Variants in C3orf62 observed in about 807,000 individuals in gnomAD.
C3orf62 encodes the protein chromosome 3 open reading frame 62, also known as uncharacterized protein C3orf62.
In C3orf62, 16 loss-of-function variants were observed where a neutral mutation model predicts 21.7. That is an observed-to-expected ratio of 0.74 (90% CI 0.50 to 1.12). The LOEUF (loss-of-function observed/expected upper bound fraction) is 1.12, where lower values mean the gene tolerates loss of function less well. Ranked by LOEUF, C3orf62 falls within the 50% of genes most tolerant of loss-of-function variation. The pLI is 0.00. For missense variants in C3orf62, 310 were observed against 318.8 expected (o/e 0.97, Z 0.21); for synonymous variants, 114 against 117.0 (o/e 0.97, Z 0.17).
rs1028499775 is a variant in C3orf62, at chr3:49,270,220, C to CTA, written c.*958_*959dup. 2.6e-4 allele frequency: 40 copies of CTA among 152,418 alleles called. No individual in the cohort carries two copies. Among genetic ancestry groups the CTA allele is most frequent in the African/African-American group, 9.1e-4 (38 of 41,584 alleles). 9.4% of individuals were successfully genotyped at this position (152,418 alleles called of 1,614,324 possible). ...TTCCACTCCTTCCCCACTTCTTATACTATACTTCACTTGGTCTTTAAAAAC... is the reference window on the plus strand; with the variant it reads ...TTCCACTCCTTCCCCACTTCTTATACTATATACTTCACTTGGTCTTTAAAAAC... On this transcript the variant is annotated 3_prime_UTR_variant, in exon 3 of 3. Transcript: ENST00000343010.
At chr3:49,274,815 C>T (rs143756010) in intron 1 of C3orf62, among the ~76,000 whole-genome samples, 3,809 of 148,800 alleles carry the variant, frequency 0.026, 67 homozygotes, top group Middle Eastern at 0.05. Flanking sequence ...AGTGAACCAC[C>T]GCGCCTGGCC....
At chr3:49,272,261 G>A (rs1353166345) in intron 2 of C3orf62, among the ~76,000 whole-genome samples, 3 of 152,046 alleles carry the variant, frequency 2.0e-5, no homozygotes, top group Admixed American at 6.6e-5. Flanking sequence ...CACTTTGGGA[G>A]GCTGAGGCAG....
intron 2 of C3orf62, among the ~76,000 whole-genome samples, chr3:49,272,709 G>A (rs1380918089): frequency 6.6e-6 from 1 of 151,548 alleles, no homozygotes; most frequent in Non-Finnish European, 1.5e-5. Flanking sequence ...GCACCACCAC[G>A]CCTGGCTAAT....
In C3orf62 at chr3:49,272,800, G is replaced by A. The variant is rs543653962; in HGVS notation, c.538+1249C>T. On this transcript the variant is annotated intron_variant, in intron 2 of 2. Coordinates refer to ENST00000343010, the MANE Select transcript of C3orf62 (RefSeq NM_198562.3). The stretch of plus-strand genomic sequence containing the variant: ...ACTCCTGACCTCAAGTGATCTGCCC[G>A]CCTCAGCCTCCCAAAGTGCTAGGAC... Among the ~76,000 whole-genome samples, 5 of 151,830 alleles carry A rather than the reference G, an allele frequency of 3.3e-5. No homozygotes were observed. In the South Asian group the frequency reaches 1.0e-3, roughly 32 times the overall value.
At chr3:49,276,348 A>T (rs1244333250) in intron 1 of C3orf62, 79 bp downstream of exon 1, 5 of 1,433,290 alleles carry the variant, frequency 3.5e-6, no homozygotes, top group Non-Finnish European at 4.8e-6. Context: ...TCATGAACTA[A>T]ATCTAGGATC....
chr3:49,276,615 A>T lies in C3orf62; in HGVS notation c.258T>A (p.Pro86=). 6.2e-7 allele frequency: 1 copy of T among 1,614,184 alleles called. No individual in the cohort carries two copies. The highest frequency in any genetic ancestry group is 8.5e-7 in the Non-Finnish European group (1 of 1,180,038). The change falls in exon 1 of 3, where the codon CCT becomes CCA. Residue 86 remains proline, a synonymous_variant. Transcript: ENST00000343010. ...TTGCAAAGGCAGGGTTCTCATTCTC[A>T]GGAGCACATGGGACAGCAGCAAAAG... ...AAPFAAVPCA[P]ENENPAFATN...
In C3orf62 at chr3:49,277,210, T is replaced by C. The variant is rs1376300852; in HGVS notation, c.-338A>G. ...CCCGCAGCGCAGTGACGCCGACCCA[T>C]CCAACGGTCATCGCATGCGCGTGCC... On this transcript the variant is annotated 5_prime_UTR_variant, in exon 1 of 3. An upstream start codon of the reference 5' UTR is lost. Coordinates refer to ENST00000343010, the MANE Select transcript of C3orf62 (RefSeq NM_198562.3). 1 of 1,336,522 alleles carries C rather than the reference T, an allele frequency of 7.5e-7. No homozygotes were observed. Among genetic ancestry groups the C allele is most frequent in the Non-Finnish European group, 9.8e-7 (1 of 1,019,746 alleles). The allele number at this position is 1,336,522 out of a possible 1,614,324, so 82.8% of individuals were successfully genotyped here.
chr3:49,274,483 C>T (rs1575595192), intron 1 of C3orf62: 1 of 170,498 alleles, frequency 5.9e-6, no homozygotes, highest in East Asian at 1.5e-4. Flanking sequence ...GCATGAGCCA[C>T]CTCACCCAGC....
intron 1 of C3orf62, among the ~76,000 whole-genome samples, chr3:49,275,649 G>A (rs2046952151): frequency 7.0e-6 from 1 of 143,098 alleles, no homozygotes; most frequent in Admixed American, 7.4e-5. Context: ...TCCTGCCTCA[G>A]CCTCCCGAGT....
Position 49,274,527 on chromosome 3 carries a change from TTTTA to T in C3orf62, c.447-391_447-388del, listed in dbSNP as rs573382915. 4.8e-3 allele frequency: 732 copies of T among 153,080 alleles called. 8 individuals are homozygous for T. Among genetic ancestry groups the T allele is most frequent in the African/African-American group, 0.017 (688 of 41,486 alleles). 9.5% of individuals were successfully genotyped at this position (153,080 alleles called of 1,614,324 possible). Reference sequence around the variant, plus strand: ...GTTTACTTATTTATTTATTTTTATTTTTTATTTATTTTTTTGAGATGAAGTCTCG... The same window carrying T: ...GTTTACTTATTTATTTATTTTTATTTTTTATTTTTTTGAGATGAAGTCTCG... On this transcript the variant is annotated intron_variant, in intron 1 of 2. Coordinates refer to ENST00000343010, the MANE Select transcript of C3orf62 (RefSeq NM_198562.3).
Position 49,276,742 on chromosome 3 carries a change from T to G in C3orf62, c.131A>C (p.Gln44Pro). 1.2e-6 allele frequency: 2 copies of G among 1,614,202 alleles called. No homozygotes were observed. Among genetic ancestry groups the G allele is most frequent in the Non-Finnish European group, 1.7e-6 (2 of 1,180,038 alleles). Residue 44 changes from glutamine to proline, a missense_variant, in exon 1 of 3, where the codon CAG becomes CCG. Physicochemically the swap from Gln to Pro is moderately conservative, Grantham distance 76 (BLOSUM62 -1). Coordinates refer to ENST00000343010, the MANE Select transcript of C3orf62 (RefSeq NM_198562.3). ...GVSYSQECTG[Q>P]QRLELSAAPL... ...CGCGGCGCTCAGTTCCAGCCTCTGC[T>G]GGCCTGTGCACTCCTGGGAATAACT...
chr3:49,275,367 G>A (rs1192024454), intron 1 of C3orf62, among the ~76,000 whole-genome samples: 2 of 151,776 alleles, frequency 1.3e-5, no homozygotes, highest in Non-Finnish European at 2.9e-5. Flanking sequence ...GATTACAGGC[G>A]TGCCACCACA....
At chr3:49,274,817 C>A (rs1335427317) in intron 1 of C3orf62, among the ~76,000 whole-genome samples, 1 of 148,932 alleles carries the variant, frequency 6.7e-6, no homozygotes, top group Admixed American at 6.7e-5. Context: ...TGAACCACCG[C>A]GCCTGGCCTG....
intron 2 of C3orf62, among the ~76,000 whole-genome samples, chr3:49,273,698 C>A (rs7614738): frequency 3.3e-5 from 5 of 151,768 alleles, no homozygotes; most frequent in Admixed American, 6.6e-5. Flanking sequence ...CTCTGTCCCC[C>A]AGGCTGGAGT....
chr3:49,271,311 G>T lies in C3orf62; in HGVS notation c.673C>A (p.Pro225Thr), dbSNP rs761847057. The part of the protein sequence containing the change: ...EAWALLMDKS[P>T]QKATDADPGS... ...GGGTCAGCATCTGTGGCCTTCTGAG[G>T]GCTCTTGTCCATGAGCAGGGCCCAG... Residue 225 changes from proline to threonine, a missense_variant, in exon 3 of 3, where the codon CCT becomes ACT. By Grantham distance (38) the Pro-to-Thr change is conservative. Coordinates refer to ENST00000343010, the MANE Select transcript of C3orf62 (RefSeq NM_198562.3). 3 of 1,614,158 alleles carry T rather than the reference G, an allele frequency of 1.9e-6. No homozygotes were observed. In the South Asian group the frequency reaches 3.3e-5, roughly 18 times the overall value.
chr3:49,271,431 G>T lies in C3orf62; in HGVS notation c.553C>A (p.Arg185=), dbSNP rs773783747. The change falls in exon 3 of 3, where the codon CGA becomes AGA. Residue 185 remains arginine (R), a synonymous_variant. Transcript: ENST00000343010. ...LLDMIDHTSI[R]TIEELAGKIE... ...TTTCCAGCCAATTCTTCAATAGTTC[G>T]GATGCTTGTATGGTCTTAAAAATAA... 2 of 1,613,712 alleles carry T rather than the reference G, an allele frequency of 1.2e-6. No individual in the cohort carries two copies. The highest frequency in any genetic ancestry group is 1.7e-6 in the Non-Finnish European group (2 of 1,179,778).
chr3:49,276,358 C>T, intron 1 of C3orf62, 69 bp downstream of exon 1: 1 of 1,493,912 alleles, frequency 6.7e-7, no homozygotes, highest in Non-Finnish European at 9.1e-7. Flanking sequence ...AATCTAGGAT[C>T]TTCAACAACT....
Position 49,276,970 on chromosome 3 carries a change from G to T in C3orf62, c.-98C>A. 1.3e-6 allele frequency: 2 copies of T among 1,503,254 alleles called. No individual in the cohort carries two copies. The highest frequency in any genetic ancestry group is 2.2e-5 in the Admixed American group (1 of 44,558). 93.1% of individuals were successfully genotyped at this position (1,503,254 alleles called of 1,614,324 possible). ...TGGAGCTTGGCCCTGGCTATAGCAG[G>T]ACCCACAACCCTCGGGCTTTCCTCC... On this transcript the variant is annotated 5_prime_UTR_variant, in exon 1 of 3. Coordinates refer to ENST00000343010, the MANE Select transcript of C3orf62 (RefSeq NM_198562.3).
intron 2 of C3orf62, 118 bp from the exon 3 acceptor site, chr3:49,271,563 C>T: frequency 7.7e-7 from 1 of 1,295,954 alleles, no homozygotes; most frequent in Non-Finnish European, 1.1e-6. Flanking sequence ...TAAAAGCAGG[C>T]ATTCCTGCCC....
Sources: gnomAD v4.1 joint callset for allele counts (sites outside exome capture counted in the v4.1 genomes callset) on GRCh38, gnomAD v4.1.1 for gene constraint, MANE v1.5 for transcripts, NCBI Gene and HGNC (gene_info 2026-07-23, HGNC 2026-07-21) for gene names.